The following DYNC1H1 variants were observed in gnomAD, a reference collection of about 807,000 sequenced individuals.
DYNC1H1 encodes dynein cytoplasmic 1 heavy chain 1.
A neutral mutation model predicts 527.1 loss-of-function variants in DYNC1H1; 51 were observed. The observed-to-expected ratio is 0.10, with a 90% CI of 0.08 to 0.12. DYNC1H1 has a LOEUF of 0.12. Among genes scored for constraint, DYNC1H1 ranks in the 10% least tolerant of loss-of-function variants. The pLI is 1.00. For missense variants in DYNC1H1, 2,771 were observed against 5,971.8 expected, an observed-to-expected ratio of 0.46 and a Z score of 17.66; for synonymous variants, 2,189 against 2,278.8, an observed-to-expected ratio of 0.96 and a Z score of 1.12.
chr14:102,044,141 C>T lies in DYNC1H1; in HGVS notation c.12684+96C>T, dbSNP rs536319830. 245 of 1,585,412 alleles carry T rather than the reference C, an allele frequency of 1.5e-4. No homozygotes were observed. The highest frequency in any genetic ancestry group is 1.9e-4 in the Middle Eastern group (1 of 5,300). ...AGAGGCCAGACTCTGCGTGGAAGAG[C>T]GAGCTGACCCCTCGTGACCGCCAAA... On this transcript the variant is annotated intron_variant, in intron 70 of 77. Coordinates refer to ENST00000360184, the MANE Select transcript of DYNC1H1 (RefSeq NM_001376.5). This position sits in a 1 kb window ranked among gnomAD's most constrained non-coding sequence, Gnocchi z 7.1.
At position 102,030,264 on chromosome 14, in the gene DYNC1H1, G is replaced by A; in HGVS notation, c.9865G>A (p.Val3289Ile). 1.2e-6 allele frequency: 2 copies of A among 1,614,138 alleles called. No individual in the cohort carries two copies. Among genetic ancestry groups the A allele is most frequent in the Non-Finnish European group, 1.7e-6 (2 of 1,180,030 alleles). Residue 3289 changes from valine to isoleucine, a missense_variant, in exon 51 of 78, where the codon GTC (valine) becomes ATC (isoleucine). Physicochemically the swap from Val to Ile is conservative, Grantham distance 29. Transcript: ENST00000360184. ...KEDLDKVEPA[V>I]IEAQNAVKSI... ...AGATCTTGATAAGGTGGAACCTGCC[G>A]TCATTGAGGCCCAGAATGGTATGTA...
rs2048685634 is a variant in DYNC1H1, at chr14:102,044,117, G to C, written c.12684+72G>C. 6.3e-7 allele frequency: 1 copy of C among 1,599,272 alleles called. No homozygotes were observed. The highest frequency in any genetic ancestry group is 8.5e-7 in the Non-Finnish European group (1 of 1,176,176). On this transcript the variant is annotated intron_variant, in intron 70 of 77. Coordinates refer to ENST00000360184, the MANE Select transcript of DYNC1H1 (RefSeq NM_001376.5). The surrounding 1 kb of genome is among the most constrained non-coding windows in gnomAD (Gnocchi z 7.1). ...AGGATGCTGCAGGGCGTGGTGCTGA[G>C]AGGCCAGACTCTGCGTGGAAGAGCG...
rs773994607 is a variant in DYNC1H1 at position 102,044,250 on chromosome 14, C to T, written c.12685-24C>T. 2.5e-6 allele frequency: 4 copies of T among 1,613,254 alleles called. No homozygotes were observed. Among genetic ancestry groups the T allele is most frequent in the Admixed American group, 1.7e-5 (1 of 60,004 alleles). On this transcript the variant is annotated intron_variant, in intron 70 of 77. Transcript: ENST00000360184. The surrounding 1 kb of genome is among the most constrained non-coding windows in gnomAD (Gnocchi z 7.1). ...GCCTGCCCGCCTCTGACCACACACA[C>T]GAACCCTGCTTTTCCTCCCCCAGGG... is the stretch of plus-strand genomic sequence containing the variant.
chr14:102,004,046 C>T (rs539286899), intron 23 of DYNC1H1, among the ~76,000 whole-genome samples: 3 of 151,876 alleles, frequency 2.0e-5, no homozygotes, highest in Non-Finnish European at 4.4e-5. Context: ...TCGAGACCAT[C>T]CTGGCTAACA....
rs957078174 is a variant in DYNC1H1, at chr14:101,965,371, A to G, written c.256+424A>G. ...GCCGCATCCCTGCCTCCAGTGTCAC[A>G]TGAGCTTTTCGGTTTCGATTTGTGT... On this transcript the variant is annotated intron_variant, in intron 1 of 77. Transcript: ENST00000360184. The surrounding 1 kb of genome is among the most constrained non-coding windows in gnomAD (Gnocchi z 4.1). Among the ~76,000 whole-genome samples the G allele has an allele frequency of 2.6e-5, 4 of 152,318 alleles. No homozygotes were observed. The highest frequency in any genetic ancestry group is 4.8e-5 in the African/African-American group (2 of 41,580).
chr14:101,964,706 G>GGGC lies in DYNC1H1; in HGVS notation c.26_28dup (p.Gly9dup), dbSNP rs1566991003. The GGGC allele has an allele frequency of 5.0e-6, 8 of 1,595,416 alleles. No individual in the cohort carries two copies. In the East Asian group the frequency reaches 1.6e-4, roughly 31 times the overall value. On this transcript the variant is annotated inframe_insertion, in exon 1 of 78. Coordinates refer to ENST00000360184, the MANE Select transcript of DYNC1H1 (RefSeq NM_001376.5). The surrounding 1 kb of genome is among the most constrained non-coding windows in gnomAD (Gnocchi z 5.5). ...AGCGCGACACCATGTCGGAGCCCGG[G>GGGC]GGCGGCGGCGGCGAGGACGGCTCGG...
At position 102,018,711 on chromosome 14, in the gene DYNC1H1, A is replaced by C. The variant is rs960351553; in HGVS notation, c.8343+95A>C. On this transcript the variant is annotated intron_variant, in intron 41 of 77. Transcript: ENST00000360184. The surrounding 1 kb of genome is among the most constrained non-coding windows in gnomAD (Gnocchi z 5.2). ...TGTGGTGGTTCACACCTGTAATCCC[A>C]GCATTTTGGGAGGCCAAGGTGGGTG... The C allele has an allele frequency of 2.9e-5, 45 of 1,527,868 alleles. No individual in the cohort carries two copies. In the South Asian group the frequency reaches 5.2e-4, roughly 17 times the overall value. 94.6% of individuals were successfully genotyped at this position (1,527,868 alleles called of 1,614,324 possible).
At position 101,985,770 on chromosome 14, in the gene DYNC1H1, A is replaced by G. The variant is rs145784659; in HGVS notation, c.1545A>G (p.Ala515=). 48 of 1,614,224 alleles carry G rather than the reference A, an allele frequency of 3.0e-5. No homozygotes were observed. The highest frequency in any genetic ancestry group is 3.6e-5 in the Non-Finnish European group (42 of 1,180,042). ...TGGCTGAGGTTCTCTTTGATGCTGCAGATGCAAATGCCATTGAGGAAGTAA... is the reference window on the plus strand; with the variant it reads ...TGGCTGAGGTTCTCTTTGATGCTGCGGATGCAAATGCCATTGAGGAAGTAA... ...MKVAEVLFDA[A]DANAIEEVNL... The change falls in exon 8 of 78, where the codon GCA becomes GCG. Residue 515 remains alanine (A), a synonymous_variant. Coordinates refer to ENST00000360184, the MANE Select transcript of DYNC1H1 (RefSeq NM_001376.5). The surrounding 1 kb of genome is among the most constrained non-coding windows in gnomAD (Gnocchi z 5.9).
rs917048149 is a variant in DYNC1H1, at chr14:101,965,051, G to T, written c.256+104G>T. 2.0e-5 allele frequency: 26 copies of T among 1,278,134 alleles called. No homozygotes were observed. Among genetic ancestry groups the T allele is most frequent in the Non-Finnish European group, 2.2e-5 (21 of 937,718 alleles). 79.2% of individuals were successfully genotyped at this position (1,278,134 alleles called of 1,614,324 possible). On this transcript the variant is annotated intron_variant, in intron 1 of 77. Transcript: ENST00000360184. The surrounding 1 kb of genome is among the most constrained non-coding windows in gnomAD (Gnocchi z 4.1). ...GATGTCCCCGGGATGGGAGGAGCCC[G>T]GCAGCTGCAGATGACCCCTGGATGG...
Position 102,011,124 on chromosome 14 carries a change from TA to T in DYNC1H1, c.6618+175del, listed in dbSNP as rs2048254144. Reference sequence around the variant, plus strand: ...TATTTGAATTTTTGTTGTTGTTGTTTAAATGAAGAGGAAACAATACTTAACC... The same window carrying T: ...TATTTGAATTTTTGTTGTTGTTGTTTAATGAAGAGGAAACAATACTTAACC... On this transcript the variant is annotated intron_variant, in intron 32 of 77. Transcript: ENST00000360184. The surrounding 1 kb of genome is among the most constrained non-coding windows in gnomAD (Gnocchi z 5.3). 1 of 741,388 alleles carries T rather than the reference TA, an allele frequency of 1.3e-6. No individual in the cohort carries two copies. The highest frequency in any genetic ancestry group is 2.7e-5 in the East Asian group (1 of 37,112). 45.9% of individuals were successfully genotyped at this position (741,388 alleles called of 1,614,324 possible).
Position 102,017,329 on chromosome 14 carries a change from C to A in DYNC1H1, c.8055+35C>A. ...TATCCACAAGGCCCTTCCTGCCCCA[C>A]AATGTTTCTTGTTCAAGTTTTGCTC... On this transcript the variant is annotated intron_variant, in intron 39 of 77. Coordinates refer to ENST00000360184, the MANE Select transcript of DYNC1H1 (RefSeq NM_001376.5). The surrounding 1 kb of genome is among the most constrained non-coding windows in gnomAD (Gnocchi z 4.6). 1 of 1,614,254 alleles carries A rather than the reference C, an allele frequency of 6.2e-7. No homozygotes were observed. Among genetic ancestry groups the A allele is most frequent in the African/African-American group, 1.3e-5 (1 of 75,064 alleles).
Position 101,964,733 on chromosome 14 carries a change from C to T in DYNC1H1, c.42C>T (p.Ala14=). 1 of 1,597,208 alleles carries T rather than the reference C, an allele frequency of 6.3e-7. No homozygotes were observed. Among genetic ancestry groups the T allele is most frequent in the Non-Finnish European group, 8.5e-7 (1 of 1,175,830 alleles). Residue 14 remains alanine, a synonymous_variant, in exon 1 of 78, where the codon GCC becomes GCT. Coordinates refer to ENST00000360184, the MANE Select transcript of DYNC1H1 (RefSeq NM_001376.5). This position sits in a 1 kb window ranked among gnomAD's most constrained non-coding sequence, Gnocchi z 5.5. ...GCGGCGGCGGCGAGGACGGCTCGGC[C>T]GGATTGGAAGTGTCGGCCGTGCAGA... ...PGGGGGEDGS[A]GLEVSAVQNV...
In DYNC1H1 at chr14:102,044,643, G is replaced by A. The variant is rs141273501; in HGVS notation, c.12951G>A (p.Thr4317=). The A allele has an allele frequency of 8.7e-6, 14 of 1,614,028 alleles. No individual in the cohort carries two copies. The highest frequency in any genetic ancestry group is 5.3e-5 in the African/African-American group (4 of 74,928). Residue 4317 remains threonine, a synonymous_variant, in exon 72 of 78, where the codon ACG becomes ACA. Transcript: ENST00000360184. This position sits in a 1 kb window ranked among gnomAD's most constrained non-coding sequence, Gnocchi z 7.1. ...QWVELLPDTQ[T]PSWLGLPNNA... ...TGGAGTTGCTCCCCGACACCCAGACGCCCTCCTGGCTGGGCCTGCCCAACA... is the reference window on the plus strand; with the variant it reads ...TGGAGTTGCTCCCCGACACCCAGACACCCTCCTGGCTGGGCCTGCCCAACA...
At chr14:102,013,352 A>AT (rs1238414436) in intron 34 of DYNC1H1, among the ~76,000 whole-genome samples, 1 of 152,090 alleles carries the variant, frequency 6.6e-6, no homozygotes, top group African/African-American at 2.4e-5. Context: ...AAAGAAAAAA[A>AT]TGGAAAGCGA....
chr14:102,009,648 G>A, intron 29 of DYNC1H1, 195 bp from the exon 30 acceptor site: 2 of 756,504 alleles, frequency 2.6e-6, no homozygotes, highest in East Asian at 2.8e-5. Flanking sequence ...AGGTACATGG[G>A]AATGGGTCCA....
chr14:102,029,454 C>A lies in DYNC1H1; in HGVS notation c.9469-85C>A. 6.3e-7 allele frequency: 1 copy of A among 1,581,132 alleles called. No homozygotes were observed. The highest frequency in any genetic ancestry group is 8.6e-7 in the Non-Finnish European group (1 of 1,157,022). On this transcript the variant is annotated intron_variant, in intron 48 of 77. Coordinates refer to ENST00000360184, the MANE Select transcript of DYNC1H1 (RefSeq NM_001376.5). The surrounding 1 kb of genome is among the most constrained non-coding windows in gnomAD (Gnocchi z 5.3). ...GCCAGGCTCCTTCTATCATGTCACA[C>A]CCATCTGCCAAGGCCAAAATTGTTT...
chr14:102,001,934 G>C lies in DYNC1H1; in HGVS notation c.4542+253G>C, dbSNP rs2048135484. On this transcript the variant is annotated intron_variant, in intron 21 of 77. Coordinates refer to ENST00000360184, the MANE Select transcript of DYNC1H1 (RefSeq NM_001376.5). This position sits in a 1 kb window ranked among gnomAD's most constrained non-coding sequence, Gnocchi z 5.0. ...GACCACAGGCACATGCCACCATGCT[G>C]GGCTAGCTTTTTATTTTTTGTAGAG... 6.6e-6 allele frequency among the ~76,000 whole-genome samples: 1 copy of C among 151,822 alleles called. No individual in the cohort carries two copies. Among genetic ancestry groups the C allele is most frequent in the South Asian group, 2.1e-4 (1 of 4,800 alleles).
In DYNC1H1 at chr14:102,039,530, C is replaced by G; in HGVS notation, c.11579C>G (p.Thr3860Arg). ...CACACACAGCGCCTGTCCATTATAACAAAGGACCTCTTCCAGGTAGAGTGA... is the reference window on the plus strand; with the variant it reads ...CACACACAGCGCCTGTCCATTATAAGAAAGGACCTCTTCCAGGTAGAGTGA... ...TDHTQRLSIITKDLFQVAFNR... is the reference protein window; with the variant it reads ...TDHTQRLSIIRKDLFQVAFNR... The change falls in exon 61 of 78, where the codon ACA (threonine) becomes AGA (arginine). Residue 3860 changes from threonine (T) to arginine (R), a missense_variant. Coordinates refer to ENST00000360184, the MANE Select transcript of DYNC1H1 (RefSeq NM_001376.5). This position sits in a 1 kb window ranked among gnomAD's most constrained non-coding sequence, Gnocchi z 7.0. The G allele has an allele frequency of 6.2e-7, 1 of 1,614,240 alleles. No individual in the cohort carries two copies.
intron 5 of DYNC1H1, among the ~76,000 whole-genome samples, chr14:101,981,976 G>T (rs1013350798): frequency 6.6e-6 from 1 of 152,096 alleles, no homozygotes; most frequent in Non-Finnish European, 1.5e-5. Context: ...TAGAACAGGG[G>T]TCCCCAACCC....
Sources: gnomAD v4.1 joint callset for allele counts (sites outside exome capture counted in the v4.1 genomes callset) on GRCh38, gnomAD v4.1.1 for gene constraint, Gnocchi (gnomAD v3.1) non-coding constraint, MANE v1.5 for transcripts, NCBI Gene and HGNC (gene_info 2026-07-23, HGNC 2026-07-21) for gene names.